The following GLI2 variants were observed in gnomAD, a reference collection of about 807,000 sequenced individuals.
GLI2 encodes the protein transcription activator GLI2.
In GLI2, 22 loss-of-function variants were observed where a neutral mutation model predicts 78.9. The ratio of observed to expected loss-of-function variants is 0.28; its 90% CI spans 0.20 to 0.40. The LOEUF (loss-of-function observed/expected upper bound fraction) is 0.40, where lower values mean the gene tolerates loss of function less well. Ranked by LOEUF, GLI2 falls within the 10% of genes least tolerant of loss-of-function variation. The pLI is 1.00. For missense variants in GLI2, 2,097 were observed against 2,213.2 expected (o/e 0.95, Z 1.05); for synonymous variants, 974 against 963.7 (o/e 1.01, Z -0.20).
intron 1 of GLI2, among the ~76,000 whole-genome samples, chr2:120,738,889 C>G (rs1205491905): frequency 1.3e-5 from 2 of 152,172 alleles, no homozygotes; most frequent in Non-Finnish European, 2.9e-5. Flanking sequence ...TTCCTTGAAG[C>G]TTGTGTGGAG....
chr2:120,881,015 G>T (rs1009365853), intron 2 of GLI2, among the ~76,000 whole-genome samples: 2 of 152,118 alleles, frequency 1.3e-5, no homozygotes, highest in African/African-American at 4.8e-5. Context: ...ACATAACCTT[G>T]TGCACCTCCA....
chr2:120,855,660 G>A (rs1687611693), intron 2 of GLI2, among the ~76,000 whole-genome samples: 1 of 152,214 alleles, frequency 6.6e-6, no homozygotes, highest in Non-Finnish European at 1.5e-5. Context: ...ACTTTTCTTA[G>A]GGTTCCAGGC....
intron 2 of GLI2, among the ~76,000 whole-genome samples, chr2:120,864,461 C>T (rs1422437385): frequency 6.6e-6 from 1 of 152,000 alleles, no homozygotes; most frequent in Non-Finnish European, 1.5e-5. Flanking sequence ...TTGCCAGAGG[C>T]ACTCCCACCC....
At chr2:120,946,673 C>T (rs1001126444) in intron 3 of GLI2, among the ~76,000 whole-genome samples, 6 of 152,158 alleles carry the variant, frequency 3.9e-5, no homozygotes, top group African/African-American at 4.8e-5. Flanking sequence ...CACCAGTAGT[C>T]GCCTTTCCTG....
intron 2 of GLI2, among the ~76,000 whole-genome samples, chr2:120,901,503 C>T (rs1307147545): frequency 6.6e-6 from 1 of 152,224 alleles, no homozygotes; most frequent in African/African-American, 2.4e-5. Context: ...GTGGCCTCTG[C>T]AGGTCTTCCT....
At chr2:120,986,255 C>A in intron 12 of GLI2, 23 bp from the exon 13 acceptor site, 1 of 1,605,574 alleles carries the variant, frequency 6.2e-7, no homozygotes, top group Non-Finnish European at 8.5e-7. Flanking sequence ...TGAGTCTGAG[C>A]CTTCTTGCCT....
intron 2 of GLI2, among the ~76,000 whole-genome samples, chr2:120,835,592 A>C (rs1283951428): frequency 1.3e-5 from 2 of 151,956 alleles, no homozygotes; most frequent in African/African-American, 4.8e-5. Flanking sequence ...CACCATGTTG[A>C]CCAGGCTAGT....
intron 1 of GLI2, among the ~76,000 whole-genome samples, chr2:120,761,536 G>T (rs971878333): frequency 6.6e-6 from 1 of 152,336 alleles, no homozygotes; most frequent in East Asian, 1.9e-4. Context: ...GAACCCAGAG[G>T]GGGTGTGTGT....
At chr2:120,923,093 AACATACACACCATATGC>A (rs1200373827) in intron 2 of GLI2, among the ~76,000 whole-genome samples, 1 of 151,704 alleles carries the variant, frequency 6.6e-6, no homozygotes. Flanking sequence ...TATACACAGC[AACATACACACCATATGC>A]ACATACACAC....
chr2:120,924,986 C>G (rs1278963020), intron 2 of GLI2, among the ~76,000 whole-genome samples: 1 of 152,236 alleles, frequency 6.6e-6, no homozygotes, highest in African/African-American at 2.4e-5. Context: ...CAAATGGAGA[C>G]TCAGAGAGGC....
At chr2:120,951,544 C>CA in intron 4 of GLI2, 99 bp downstream of exon 4, 2 of 751,704 alleles carry the variant, frequency 2.7e-6, no homozygotes, top group Non-Finnish European at 4.4e-6. Context: ...CAGCCTTGGT[C>CA]CCCTTGAATG....
chr2:120,945,129 C>T (rs996084927), intron 3 of GLI2, among the ~76,000 whole-genome samples: 1 of 152,236 alleles, frequency 6.6e-6, no homozygotes, highest in Admixed American at 6.5e-5. Flanking sequence ...CTGGCACTGC[C>T]TGCAGCCTCC....
intron 1 of GLI2, among the ~76,000 whole-genome samples, chr2:120,779,642 C>T (rs960919358): frequency 2.8e-4 from 42 of 152,242 alleles, no homozygotes; most frequent in African/African-American, 9.6e-4. Context: ...TTACTGAGGG[C>T]TTTCTCTGTG....
chr2:120,894,442 G>A (rs1677839932), intron 2 of GLI2, among the ~76,000 whole-genome samples: 1 of 152,172 alleles, frequency 6.6e-6, no homozygotes, highest in Non-Finnish European at 1.5e-5. Flanking sequence ...CGCAGCCTGG[G>A]AGTCTCCAGT....
chr2:120,915,653 T>C (rs1679063007), intron 2 of GLI2, among the ~76,000 whole-genome samples: 1 of 152,172 alleles, frequency 6.6e-6, no homozygotes, highest in Admixed American at 6.5e-5. Context: ...AACGAACACC[T>C]GGTCACCTGG....
intron 2 of GLI2, among the ~76,000 whole-genome samples, chr2:120,882,081 A>G (rs1293231777): frequency 6.6e-6 from 1 of 152,098 alleles, no homozygotes; most frequent in African/African-American, 2.4e-5. Context: ...AGATCAAACA[A>G]TTCACACCAC....
At chr2:120,877,622 T>C (rs1688822789) in intron 2 of GLI2, among the ~76,000 whole-genome samples, 1 of 152,260 alleles carries the variant, frequency 6.6e-6, no homozygotes, top group African/African-American at 2.4e-5. Flanking sequence ...AATGGAATTA[T>C]GCAGTGTGTG....
At position 120,978,445 on chromosome 2, in the gene GLI2, C is replaced by G; in HGVS notation, c.1329C>G (p.Asn443Lys). The G allele has an allele frequency of 1.2e-6, 2 of 1,614,190 alleles. No individual in the cohort carries two copies. The highest frequency in any genetic ancestry group is 1.1e-5 in the South Asian group (1 of 91,088). Reference sequence around the variant, plus strand: ...TGTCCCTCCGGCAGCACATCAACAACGAGCACATCCACGGGGAGAAGAAGG... The same window carrying G: ...TGTCCCTCCGGCAGCACATCAACAAGGAGCACATCCACGGGGAGAAGAAGG... ...TQEQLVHHIN[N>K]EHIHGEKKEF... Residue 443 changes from asparagine to lysine, a missense_variant, in exon 10 of 14, where the codon AAC (asparagine) becomes AAG (lysine). Around this residue, in one of 5 missense-constraint regions of GLI2, gnomAD observed 578 missense variants for 612.0 expected, o/e 0.94. Transcript: ENST00000361492.
intron 10 of GLI2, among the ~76,000 whole-genome samples, chr2:120,980,689 T>G (rs1481631649): frequency 6.6e-6 from 1 of 152,214 alleles, no homozygotes; most frequent in East Asian, 1.9e-4. Context: ...AAGGAACCAT[T>G]GCCTAATCCA....
Sources: gnomAD v4.1 joint callset for allele counts (sites outside exome capture counted in the v4.1 genomes callset) on GRCh38, gnomAD v4.1.1 for gene constraint, gnomAD v4.1.1 regional missense constraint, MANE v1.5 for transcripts, NCBI Gene and HGNC (gene_info 2026-07-23, HGNC 2026-07-21) for gene names.